The following OPCML variants were observed in gnomAD, a reference collection of about 807,000 sequenced individuals.
OPCML encodes opioid binding protein/cell adhesion molecule like, also known as opioid-binding protein/cell adhesion molecule.
A neutral mutation model predicts 37.8 loss-of-function variants in OPCML; 13 were observed. The observed-to-expected ratio is 0.34, with a 90% CI of 0.22 to 0.55. The LOEUF (loss-of-function observed/expected upper bound fraction) is 0.55. Among genes scored for constraint, OPCML ranks in the 20% least tolerant of loss-of-function variants. OPCML has a pLI of 0.91. For missense variants in OPCML, 341 were observed against 435.6 expected, an observed-to-expected ratio of 0.78 and a Z score of 1.93; for synonymous variants, 176 against 168.8, an observed-to-expected ratio of 1.04 and a Z score of -0.33.
chr11:132,453,982 T>G, intron 4 of OPCML, among the ~76,000 whole-genome samples: 1 of 152,178 alleles, frequency 6.6e-6, no homozygotes, highest in African/African-American at 2.4e-5. Context: ...GAAATTGCAG[T>G]CATGTGGCAA....
intron 4 of OPCML, among the ~76,000 whole-genome samples, chr11:132,509,303 G>C (rs1158536691): frequency 1.3e-5 from 2 of 152,024 alleles, no homozygotes; most frequent in African/African-American, 4.8e-5. Context: ...AAGGGAAACA[G>C]AGCATAAATG....
At chr11:133,200,122 ATGTCTCTGC>A (rs1345295423) in intron 1 of OPCML, among the ~76,000 whole-genome samples, 4 of 152,104 alleles carry the variant, frequency 2.6e-5, no homozygotes, top group Admixed American at 2.6e-4. Context: ...GGAAAGCCTG[ATGTCTCTGC>A]TGAACTCTTT....
chr11:133,025,472 C>T, intron 1 of OPCML: 1 of 985,400 alleles, frequency 1.0e-6, no homozygotes, highest in Non-Finnish European at 1.2e-6. Context: ...TAACCCTTAA[C>T]TATTTGGTAA....
At chr11:132,929,769 C>A (rs1036362477) in intron 2 of OPCML, among the ~76,000 whole-genome samples, 6 of 152,070 alleles carry the variant, frequency 3.9e-5, no homozygotes, top group Non-Finnish European at 8.8e-5. Context: ...AATGAATATA[C>A]CACATTAACC....
chr11:133,308,836 G>A (rs1942998789), intron 1 of OPCML, among the ~76,000 whole-genome samples: 1 of 152,192 alleles, frequency 6.6e-6, no homozygotes, highest in Admixed American at 6.5e-5. Context: ...AAAAAAGAGA[G>A]ATGTGTAACA....
intron 1 of OPCML, among the ~76,000 whole-genome samples, chr11:132,944,569 A>G (rs1945700201): frequency 6.6e-6 from 1 of 152,144 alleles, no homozygotes; most frequent in African/African-American, 2.4e-5. Flanking sequence ...CCTGTCCTAC[A>G]CCTTATCGTG....
At chr11:132,436,343 C>T in intron 6 of OPCML, 106 bp from the exon 7 acceptor site, 1 of 1,595,576 alleles carries the variant, frequency 6.3e-7, no homozygotes, top group Non-Finnish European at 8.5e-7. Flanking sequence ...AAACCCTAAG[C>T]ACTTCAGTGT....
At chr11:132,523,489 A>G (rs558536963) in intron 4 of OPCML, among the ~76,000 whole-genome samples, 12 of 152,328 alleles carry the variant, frequency 7.9e-5, no homozygotes, top group Middle Eastern at 3.4e-3. Context: ...ACTTAGTTTT[A>G]TGGATTCTTG....
chr11:133,101,834 G>A (rs1949088733), intron 1 of OPCML, among the ~76,000 whole-genome samples: 1 of 152,164 alleles, frequency 6.6e-6, no homozygotes, highest in East Asian at 1.9e-4. Flanking sequence ...CCTTCAGTAT[G>A]TGAATGGATA....
At chr11:132,587,053 A>G (rs540135497) in intron 3 of OPCML, among the ~76,000 whole-genome samples, 4 of 152,322 alleles carry the variant, frequency 2.6e-5, no homozygotes, top group African/African-American at 7.2e-5. Flanking sequence ...GATCCAGAAT[A>G]GAAAGCTGCT....
intron 7 of OPCML, among the ~76,000 whole-genome samples, chr11:132,435,458 T>C (rs956357780): frequency 6.6e-6 from 1 of 152,150 alleles, no homozygotes; most frequent in African/African-American, 2.4e-5. Context: ...TGGTGTGAAA[T>C]GTTGCAGAAG....
intron 2 of OPCML, among the ~76,000 whole-genome samples, chr11:132,826,228 A>C (rs1225450802): frequency 2.6e-5 from 4 of 152,230 alleles, no homozygotes; most frequent in Non-Finnish European, 5.9e-5. Flanking sequence ...CTGATCAGAA[A>C]TTCCAGTACA....
intron 7 of OPCML, among the ~76,000 whole-genome samples, chr11:132,422,564 A>T (rs1248297571): frequency 6.6e-6 from 1 of 152,062 alleles, no homozygotes; most frequent in Non-Finnish European, 1.5e-5. Context: ...ATGACAACAC[A>T]CGTTCACACC....
chr11:133,342,175 G>A (rs2136672889), intron 1 of OPCML, among the ~76,000 whole-genome samples: 1 of 152,250 alleles, frequency 6.6e-6, no homozygotes, highest in East Asian at 1.9e-4. Context: ...CAGTTTTGCA[G>A]TGCTCCTTTC....
chr11:133,532,065 C>T, intron 1 of OPCML, 199 bp downstream of exon 1: 1 of 423,882 alleles, frequency 2.4e-6, no homozygotes, highest in Non-Finnish European at 3.2e-6. Flanking sequence ...AAATCCCGTG[C>T]TGAAAGCATC....
intron 4 of OPCML, among the ~76,000 whole-genome samples, chr11:132,500,292 C>T (rs2096242792): frequency 6.6e-6 from 1 of 152,112 alleles, no homozygotes; most frequent in East Asian, 1.9e-4. Flanking sequence ...TAATCCTCAT[C>T]CAATTTGATA....
intron 3 of OPCML, among the ~76,000 whole-genome samples, chr11:132,618,683 A>T (rs1411469150): frequency 6.6e-6 from 1 of 152,176 alleles, no homozygotes; most frequent in Non-Finnish European, 1.5e-5. Flanking sequence ...AATATACATA[A>T]TATAAAATTT....
intron 1 of OPCML, among the ~76,000 whole-genome samples, chr11:133,283,023 A>T (rs1942201436): frequency 6.6e-6 from 1 of 152,198 alleles, no homozygotes. Context: ...AGGCAGAAGA[A>T]GATAAGTCTC....
chr11:133,110,117 A>C (rs1320550135), intron 1 of OPCML, among the ~76,000 whole-genome samples: 2 of 152,206 alleles, frequency 1.3e-5, no homozygotes, highest in Non-Finnish European at 2.9e-5. Context: ...AGCATATTTC[A>C]ATCCAAAAAG....
Sources: allele counts gnomAD v4.1 joint callset (sites outside exome capture counted in the v4.1 genomes callset), GRCh38; gene constraint gnomAD v4.1.1; transcripts MANE v1.5; gene names NCBI Gene and HGNC (gene_info 2026-07-23, HGNC 2026-07-21).